Variants in CADM2 observed in about 807,000 individuals in gnomAD.
CADM2 encodes the protein cell adhesion molecule 2, also known as immunoglobulin superfamily member 4D.
Under a neutral mutation model 49.8 loss-of-function variants are expected in CADM2, and 12 were observed. The observed-to-expected ratio is 0.24, with a 90% CI of 0.15 to 0.39. CADM2 has a LOEUF of 0.39. CADM2 is among the 10% of genes least tolerant of loss of function. The probability of loss-of-function intolerance (pLI) is 1.00; values close to 1 mark genes in which losing one functional copy is unlikely to be tolerated. For missense variants in CADM2, 378 were observed against 492.3 expected (o/e 0.77, Z 2.20); for synonymous variants, 214 against 175.4 (o/e 1.22, Z -1.74).
chr3:85,550,914 A>G (rs994325934), intron 1 of CADM2, among the ~76,000 whole-genome samples: 1 of 151,876 alleles, frequency 6.6e-6, no homozygotes, highest in African/African-American at 2.4e-5. Context: ...TGTTAATCGT[A>G]TTTTTTACTT....
chr3:85,352,230 C>A (rs2031419980), intron 1 of CADM2, among the ~76,000 whole-genome samples: 1 of 152,000 alleles, frequency 6.6e-6, no homozygotes, highest in African/African-American at 2.4e-5. Context: ...TTTATAGAAT[C>A]TATACATACC....
intron 1 of CADM2, among the ~76,000 whole-genome samples, chr3:85,693,654 G>A (rs1359427582): frequency 2.0e-5 from 3 of 147,604 alleles, no homozygotes; most frequent in African/African-American, 5.0e-5. Flanking sequence ...TTGGGATGCC[G>A]AGGCAGGTGG....
intron 1 of CADM2, among the ~76,000 whole-genome samples, chr3:85,239,781 A>G (rs2107832788): frequency 6.6e-6 from 1 of 151,522 alleles, no homozygotes; most frequent in African/African-American, 2.4e-5. Flanking sequence ...TTTAAAAATT[A>G]TTTTATAATT....
chr3:85,881,838 G>A (rs953251444), intron 3 of CADM2, among the ~76,000 whole-genome samples: 1 of 152,108 alleles, frequency 6.6e-6, no homozygotes, highest in Non-Finnish European at 1.5e-5. Flanking sequence ...GGATGGTTTT[G>A]GGATGAAATT....
chr3:85,959,433 G>A (rs981293013), intron 7 of CADM2, among the ~76,000 whole-genome samples: 3 of 151,862 alleles, frequency 2.0e-5, no homozygotes, highest in South Asian at 2.1e-4. Flanking sequence ...AGGTTGAAAG[G>A]AAAGTGGGAC....
At chr3:85,442,603 T>C (rs1223283229) in intron 1 of CADM2, among the ~76,000 whole-genome samples, 1 of 22,818 alleles carries the variant, frequency 4.4e-5, no homozygotes, top group African/African-American at 5.1e-5. Flanking sequence ...TATATATATA[T>C]ATATATATAT....
intron 1 of CADM2, among the ~76,000 whole-genome samples, chr3:85,072,992 C>T (rs1401284993): frequency 1.3e-5 from 2 of 152,160 alleles, no homozygotes; most frequent in Non-Finnish European, 1.5e-5. Flanking sequence ...CTAGGTTAAA[C>T]ATTTAAAAAA....
chr3:85,946,467 G>A (rs188453081), intron 7 of CADM2, among the ~76,000 whole-genome samples: 34 of 152,026 alleles, frequency 2.2e-4, no homozygotes, highest in African/African-American at 5.1e-4. Flanking sequence ...AGCCCGCATC[G>A]CCAAGTCAAG....
At chr3:85,430,827 T>A (rs921971393) in intron 1 of CADM2, among the ~76,000 whole-genome samples, 9 of 152,058 alleles carry the variant, frequency 5.9e-5, no homozygotes, top group African/African-American at 1.9e-4. Flanking sequence ...CAGCTGGAAA[T>A]AAGCAGAAGG....
intron 5 of CADM2, among the ~76,000 whole-genome samples, chr3:85,887,250 C>CTTA (rs1168212407): frequency 6.6e-6 from 1 of 152,004 alleles, no homozygotes; most frequent in Non-Finnish European, 1.5e-5. Context: ...CCATGCTTGG[C>CTTA]TAACTTGTTT....
At chr3:85,464,617 T>C (rs1015590144) in intron 1 of CADM2, among the ~76,000 whole-genome samples, 4 of 152,204 alleles carry the variant, frequency 2.6e-5, no homozygotes, top group Non-Finnish European at 5.9e-5. Flanking sequence ...ATAATAAAAA[T>C]GATTTTTCTC....
At chr3:85,771,553 A>T (rs1011707307) in intron 2 of CADM2, among the ~76,000 whole-genome samples, 3 of 152,096 alleles carry the variant, frequency 2.0e-5, no homozygotes, top group Admixed American at 1.3e-4. Flanking sequence ...CTAGACTTAC[A>T]TATTACATGC....
intron 2 of CADM2, among the ~76,000 whole-genome samples, chr3:85,741,668 G>GA (rs554840052): frequency 5.9e-5 from 9 of 152,060 alleles, no homozygotes; most frequent in African/African-American, 2.2e-4. Context: ...CTCTGTCTCA[G>GA]AAAAAATAGT....
At chr3:85,539,496 C>T (rs1389494060) in intron 1 of CADM2, among the ~76,000 whole-genome samples, 1 of 152,022 alleles carries the variant, frequency 6.6e-6, no homozygotes, top group Non-Finnish European at 1.5e-5. Context: ...AGCACCCCTA[C>T]TAAATGCCTT....
intron 1 of CADM2, among the ~76,000 whole-genome samples, chr3:85,388,207 G>A (rs2034341478): frequency 6.6e-6 from 1 of 152,050 alleles, no homozygotes; most frequent in African/African-American, 2.4e-5. Context: ...TTTATTTTTT[G>A]TAGAGATGAG....
At position 85,267,965 on chromosome 3, in the gene CADM2, G is replaced by A. The variant is rs77319460; in HGVS notation, c.61+308297G>A. ...TATGTAAAACTCCTACAATGTATTA[G>A]GCACTATGTAAATGCCATGGATATA... On this transcript the variant is annotated intron_variant, in intron 1 of 9. Transcript: ENST00000383699. Among the ~76,000 whole-genome samples, 580 of 151,692 alleles carry A rather than the reference G, an allele frequency of 3.8e-3. 1 individual carries two copies. The highest frequency in any genetic ancestry group is 0.013 in the African/African-American group (555 of 41,454).
chr3:85,891,443 G>A (rs1330662861), intron 5 of CADM2, among the ~76,000 whole-genome samples: 2 of 152,066 alleles, frequency 1.3e-5, no homozygotes, highest in Non-Finnish European at 2.9e-5. Flanking sequence ...CCTTCCCCTA[G>A]CATGTAGGAG....
intron 1 of CADM2, among the ~76,000 whole-genome samples, chr3:85,262,461 A>T (rs1008704154): frequency 6.6e-6 from 1 of 152,106 alleles, no homozygotes; most frequent in East Asian, 1.9e-4. Flanking sequence ...CCAGTTTTTT[A>T]TTTAATAAGG....
chr3:85,152,454 T>G (rs1200430490), intron 1 of CADM2, among the ~76,000 whole-genome samples: 1 of 152,198 alleles, frequency 6.6e-6, no homozygotes, highest in African/African-American at 2.4e-5. Context: ...TTTCCTGTGC[T>G]GCATTTGCTT....
Sources: gnomAD v4.1 joint callset for allele counts (sites outside exome capture counted in the v4.1 genomes callset) on GRCh38, gnomAD v4.1.1 for gene constraint, MANE v1.5 for transcripts, NCBI Gene and HGNC (gene_info 2026-07-23, HGNC 2026-07-21) for gene names.